The following SUGCT variants were observed in gnomAD, a reference collection of about 807,000 sequenced individuals.
SUGCT encodes succinyl-CoA:glutarate CoA-transferase.
A neutral mutation model predicts 55.0 loss-of-function variants in SUGCT; 41 were observed. The ratio of observed to expected loss-of-function variants is 0.74; its 90% confidence interval spans 0.58 to 0.97. SUGCT has a LOEUF of 0.97. Among genes scored for constraint, SUGCT ranks in the 50% least tolerant of loss-of-function variants. The pLI is 0.00. For synonymous variants in SUGCT, 187 were observed against 200.4 expected (o/e 0.93, Z 0.56); for missense variants, 568 against 547.8 (o/e 1.04, Z -0.37).
At chr7:40,698,480 G>C (rs1037699350) in intron 12 of SUGCT, among the ~76,000 whole-genome samples, 1 of 152,170 alleles carries the variant, frequency 6.6e-6, no homozygotes, top group African/African-American at 2.4e-5. Flanking sequence ...TCTCCCTTAG[G>C]GTTAGACATC....
At chr7:40,859,668 A>G (rs1033779247) in intron 13 of SUGCT, among the ~76,000 whole-genome samples, 5 of 152,232 alleles carry the variant, frequency 3.3e-5, no homozygotes, top group Non-Finnish European at 5.9e-5. Flanking sequence ...TGAAGTCTGT[A>G]TAGTAAACAT....
intron 7 of SUGCT, among the ~76,000 whole-genome samples, chr7:40,270,879 T>A (rs1791956062): frequency 7.6e-6 from 1 of 132,334 alleles, no homozygotes; most frequent in East Asian, 2.4e-4. Context: ...TTCAACAATA[T>A]TTTATTATTT....
chr7:40,626,548 G>A (rs1225945630), intron 12 of SUGCT, among the ~76,000 whole-genome samples: 4 of 152,076 alleles, frequency 2.6e-5, no homozygotes, highest in Non-Finnish European at 5.9e-5. Flanking sequence ...CACTGAGCCC[G>A]GCCCAGAGAG....
intron 9 of SUGCT, among the ~76,000 whole-genome samples, chr7:40,389,931 C>T (rs900765060): frequency 1.3e-5 from 2 of 152,140 alleles, no homozygotes; most frequent in Non-Finnish European, 2.9e-5. Context: ...AAAAGCTTAT[C>T]CACCATGATC....
intron 9 of SUGCT, among the ~76,000 whole-genome samples, chr7:40,377,387 C>G (rs533456992): frequency 6.6e-6 from 1 of 150,704 alleles, no homozygotes; most frequent in Non-Finnish European, 1.5e-5. Flanking sequence ...GGATGACAGG[C>G]GTGAGCCACC....
chr7:40,370,877 A>G (rs774255592), intron 9 of SUGCT, among the ~76,000 whole-genome samples: 101 of 152,260 alleles, frequency 6.6e-4, no homozygotes, highest in Admixed American at 1.3e-3. Flanking sequence ...ACTAATAACA[A>G]TAGGCTTAGT....
intron 9 of SUGCT, among the ~76,000 whole-genome samples, chr7:40,346,121 T>C (rs1797292567): frequency 6.6e-6 from 1 of 152,056 alleles, no homozygotes; most frequent in African/African-American, 2.4e-5. Context: ...AAATTATCTG[T>C]ATATTAAAAG....
chr7:40,684,097 C>T (rs776536338), intron 12 of SUGCT: 1 of 1,611,574 alleles, frequency 6.2e-7, no homozygotes, highest in Non-Finnish European at 8.5e-7. Flanking sequence ...ATTCCTTGGC[C>T]CATGGCCCCT....
chr7:40,941,312 A>G, the SUGCT span, among the ~76,000 whole-genome samples: 1 of 152,004 alleles, frequency 6.6e-6, no homozygotes, highest in Non-Finnish European at 1.5e-5. Flanking sequence ...TTAAATTACC[A>G]TCTTGATTTC....
intron 13 of SUGCT, among the ~76,000 whole-genome samples, chr7:40,803,130 G>C (rs1039614101): frequency 2.0e-5 from 3 of 152,084 alleles, no homozygotes. Context: ...GGAAGACAAG[G>C]CTTTTCTATT....
At chr7:40,209,177 T>A (rs1787186427) in intron 6 of SUGCT, among the ~76,000 whole-genome samples, 1 of 152,286 alleles carries the variant, frequency 6.6e-6, no homozygotes, top group South Asian at 2.1e-4. Context: ...AGGAGAGTTC[T>A]AGGAGAGTTG....
At chr7:40,866,647 C>T in the SUGCT span, among the ~76,000 whole-genome samples, 8 of 151,762 alleles carry the variant, frequency 5.3e-5, no homozygotes, top group East Asian at 3.9e-4. Flanking sequence ...ACGACAGAGC[C>T]GAAGTAGCCA....
chr7:40,585,921 T>A (rs1248788793), intron 12 of SUGCT, among the ~76,000 whole-genome samples: 1 of 152,128 alleles, frequency 6.6e-6, no homozygotes, highest in African/African-American at 2.4e-5. Context: ...GCTCAAGCAA[T>A]CCATCTGTCT....
At chr7:40,864,944 G>T (rs1794554259), downstream of SUGCT, among the ~76,000 whole-genome samples, 1 of 151,886 alleles carries the variant, frequency 6.6e-6, no homozygotes, top group Non-Finnish European at 1.5e-5. Context: ...AGACCTTAGG[G>T]TTAAAAGTGC....
At chr7:40,384,257 G>T (rs1299214679) in intron 9 of SUGCT, among the ~76,000 whole-genome samples, 2 of 152,140 alleles carry the variant, frequency 1.3e-5, no homozygotes, top group African/African-American at 2.4e-5. Flanking sequence ...CTGCTCTGTG[G>T]GGTGCTGGGG....
chr7:41,008,141 G>A, the SUGCT span, among the ~76,000 whole-genome samples: 3 of 152,348 alleles, frequency 2.0e-5, no homozygotes, highest in East Asian at 5.8e-4. Flanking sequence ...AAGGAGGGCT[G>A]GGGGATGCAC....
At chr7:40,183,665 C>T (rs1353082794) in intron 3 of SUGCT, among the ~76,000 whole-genome samples, 3 of 152,096 alleles carry the variant, frequency 2.0e-5, no homozygotes, top group African/African-American at 7.2e-5. Flanking sequence ...AAACATTTCC[C>T]CATTTTATAA....
At chr7:40,634,605 A>C (rs1799941172) in intron 12 of SUGCT, among the ~76,000 whole-genome samples, 1 of 152,236 alleles carries the variant, frequency 6.6e-6, no homozygotes, top group African/African-American at 2.4e-5. Flanking sequence ...GATAAAAACA[A>C]TGAAGCAAAA....
At chr7:40,467,157 G>A (rs1020545325) in intron 11 of SUGCT, among the ~76,000 whole-genome samples, 3 of 140,194 alleles carry the variant, frequency 2.1e-5, no homozygotes, top group East Asian at 2.1e-4. Flanking sequence ...AGCCAAGATC[G>A]TGCCACTGCA....
Sources: gnomAD v4.1 joint callset for allele counts (sites outside exome capture counted in the v4.1 genomes callset) on GRCh38, gnomAD v4.1.1 for gene constraint, MANE v1.5 for transcripts, NCBI Gene and HGNC (gene_info 2026-07-23, HGNC 2026-07-21) for gene names.